Variants in PLEKHA5 observed in about 807,000 individuals in gnomAD.
PLEKHA5 encodes the protein pleckstrin homology domain containing A5, also known as pleckstrin homology domain-containing family A member 5.
In PLEKHA5, 55 loss-of-function variants were observed where a neutral mutation model predicts 181.9. That is an observed-to-expected ratio of 0.30 (90% CI 0.24 to 0.38). The LOEUF is 0.38. Ranked by LOEUF, PLEKHA5 falls within the 10% of genes least tolerant of loss-of-function variation. The probability of loss-of-function intolerance (pLI) is 1.00; values close to 1 mark genes in which losing one functional copy is unlikely to be tolerated. For synonymous variants in PLEKHA5, 535 were observed against 529.4 expected, an observed-to-expected ratio of 1.01 and a Z score of -0.15; for missense variants, 1,432 against 1,549.5, an observed-to-expected ratio of 0.92 and a Z score of 1.27.
At chr12:19,235,966 C>T (rs997855404) in intron 3 of PLEKHA5, among the ~76,000 whole-genome samples, 1 of 152,070 alleles carries the variant, frequency 6.6e-6, no homozygotes, top group Non-Finnish European at 1.5e-5. Context: ...CGTGTTTTGA[C>T]CTATCCATTC....
At chr12:19,362,847 GC>G (rs2095297630) in intron 29 of PLEKHA5, among the ~76,000 whole-genome samples, 1 of 151,892 alleles carries the variant, frequency 6.6e-6, no homozygotes, top group Non-Finnish European at 1.5e-5. Context: ...ATTCATCACT[GC>G]CTATGCAGTC....
In PLEKHA5 at chr12:19,283,722, A is replaced by C. The variant is rs749520247; in HGVS notation, c.1756A>C (p.Arg586=). 6.2e-7 allele frequency: 1 copy of C among 1,613,220 alleles called. No individual in the cohort carries two copies. The highest frequency in any genetic ancestry group is 2.2e-5 in the East Asian group (1 of 44,868). The change falls in exon 12 of 32, where the codon AGA becomes CGA. Residue 586 remains arginine, a synonymous_variant. Coordinates refer to ENST00000429027, the MANE Select transcript of PLEKHA5 (RefSeq NM_001256470.2). The part of the protein sequence containing the change: ...IQRGDVTIDR[R]HRAHHPKHVY... ...GAGAGGAGATGTGACAATAGACCGC[A>C]GACACAGGGCCCATCACCCTAAGGT...
intron 3 of PLEKHA5, among the ~76,000 whole-genome samples, chr12:19,243,917 A>G (rs141424300): frequency 3.2e-4 from 49 of 152,290 alleles, no homozygotes; most frequent in African/African-American, 1.1e-3. Flanking sequence ...TGTAGGCACA[A>G]TTTTCTATGC....
At chr12:19,194,998 T>A (rs1437827237) in intron 3 of PLEKHA5, among the ~76,000 whole-genome samples, 1 of 152,228 alleles carries the variant, frequency 6.6e-6, no homozygotes, top group Non-Finnish European at 1.5e-5. Flanking sequence ...ATTGGGCATT[T>A]ATACTGTACC....
chr12:19,326,083 C>A (rs562792091), intron 20 of PLEKHA5, among the ~76,000 whole-genome samples: 2 of 151,882 alleles, frequency 1.3e-5, no homozygotes, highest in South Asian at 4.2e-4. Flanking sequence ...TTTGAGTATC[C>A]CTTTTTCTGG....
At chr12:19,210,243 C>T (rs546621277) in intron 3 of PLEKHA5, among the ~76,000 whole-genome samples, 1 of 152,248 alleles carries the variant, frequency 6.6e-6, no homozygotes, top group East Asian at 1.9e-4. Context: ...TTTCCACAGA[C>T]GTTTTGAAGT....
chr12:19,314,981 G>C (rs2088030725), intron 16 of PLEKHA5, 87 bp downstream of exon 16: 1 of 732,276 alleles, frequency 1.4e-6, no homozygotes, highest in African/African-American at 1.8e-5. Flanking sequence ...ATTTACTCAT[G>C]ACATCAGTGT....
At chr12:19,237,652 AG>A (rs1437359578) in intron 3 of PLEKHA5, among the ~76,000 whole-genome samples, 2 of 152,050 alleles carry the variant, frequency 1.3e-5, no homozygotes, top group Admixed American at 1.3e-4. Context: ...TAATGGCAGG[AG>A]ATTATATATT....
intron 22 of PLEKHA5, among the ~76,000 whole-genome samples, chr12:19,344,810 T>G (rs2094196017): frequency 6.6e-6 from 1 of 152,106 alleles, no homozygotes; most frequent in South Asian, 2.1e-4. Context: ...AAGACTTCAT[T>G]TAAAATATGT....
chr12:19,353,442 T>A (rs1397913322), intron 25 of PLEKHA5, among the ~76,000 whole-genome samples: 1 of 139,732 alleles, frequency 7.2e-6, no homozygotes, highest in African/African-American at 2.7e-5. Context: ...CAGGCGTGAG[T>A]CACCACGCCC....
chr12:19,365,260 G>C (rs1248268104), intron 29 of PLEKHA5, among the ~76,000 whole-genome samples: 1 of 151,786 alleles, frequency 6.6e-6, no homozygotes, highest in African/African-American at 2.4e-5. Context: ...CCTGCTACTC[G>C]GGAGGCTGAG....
At chr12:19,247,940 A>C (rs1279100554) in intron 3 of PLEKHA5, among the ~76,000 whole-genome samples, 1 of 138,190 alleles carries the variant, frequency 7.2e-6, no homozygotes, top group East Asian at 2.1e-4. Context: ...AAAAAAAGAG[A>C]GAGAGAGAGA....
chr12:19,298,855 T>C (rs1425996696), intron 15 of PLEKHA5, among the ~76,000 whole-genome samples: 2 of 152,200 alleles, frequency 1.3e-5, no homozygotes, highest in East Asian at 1.9e-4. Flanking sequence ...CACTCTTGCT[T>C]TACTATTTGC....
At position 19,354,605 on chromosome 12, in the gene PLEKHA5, C is replaced by A. The variant is rs576123098; in HGVS notation, c.3138+603C>A. 4.7e-5 allele frequency among the ~76,000 whole-genome samples: 7 copies of A among 148,014 alleles called. No individual in the cohort carries two copies. The South Asian group carries it at 1.5e-3, about 32-fold the overall frequency. On this transcript the variant is annotated intron_variant, in intron 26 of 31. Coordinates refer to ENST00000429027, the MANE Select transcript of PLEKHA5 (RefSeq NM_001256470.2). ...ACACCATCCTCCTGCCTCAGCCTCCCAAGTAGCTGGGACTACAGGCGCCCA... is the reference window on the plus strand; with the variant it reads ...ACACCATCCTCCTGCCTCAGCCTCCAAAGTAGCTGGGACTACAGGCGCCCA...
Position 19,130,262 on chromosome 12 carries a change from A to G in PLEKHA5, c.169+132A>G. On this transcript the variant is annotated intron_variant, in intron 2 of 31. Transcript: ENST00000429027. The surrounding 1 kb of genome is among the most constrained non-coding windows in gnomAD (Gnocchi z 4.5). ...CGAGGCGGGGCGGAGGCCGGGCGGG[A>G]GCGGCCGCAGGTAGAGGGGCCACGG... The G allele has an allele frequency of 2.5e-6, 1 of 402,720 alleles. No homozygotes were observed. The highest frequency in any genetic ancestry group is 4.1e-6 in the Non-Finnish European group (1 of 245,698). The allele number at this position is 402,720 out of a possible 1,614,324, so 24.9% of individuals were successfully genotyped here. A position where few individuals can be genotyped will look rare whatever the true frequency, so the allele number is the denominator to read the frequency against.
chr12:19,322,179 TTCTA>T, intron 18 of PLEKHA5, 127 bp from the exon 19 acceptor site: 1 of 620,808 alleles, frequency 1.6e-6, no homozygotes, highest in Non-Finnish European at 2.8e-6. Flanking sequence ...TTTTTAAGGA[TTCTA>T]TCTTTGTAAG....
chr12:19,331,905 C>T (rs2092880415), intron 20 of PLEKHA5, among the ~76,000 whole-genome samples: 1 of 152,060 alleles, frequency 6.6e-6, no homozygotes, highest in South Asian at 2.1e-4. Flanking sequence ...TGCACCTGTA[C>T]TACTCAGGAG....
At chr12:19,359,135 T>C (rs886290130) in intron 27 of PLEKHA5, among the ~76,000 whole-genome samples, 1 of 152,194 alleles carries the variant, frequency 6.6e-6, no homozygotes, top group Non-Finnish European at 1.5e-5. Context: ...TTCCACCGAA[T>C]CAAGTGCAGG....
At chr12:19,291,740 A>G (rs1162968434) in intron 15 of PLEKHA5, 43 bp downstream of exon 15, 1 of 1,032,474 alleles carries the variant, frequency 9.7e-7, no homozygotes, top group Admixed American at 2.4e-5. Flanking sequence ...ACTTAATAGA[A>G]CTTCTTAAAT....
Sources: allele counts gnomAD v4.1 joint callset (sites outside exome capture counted in the v4.1 genomes callset), GRCh38; gene constraint gnomAD v4.1.1; non-coding constraint Gnocchi (gnomAD v3.1); transcripts MANE v1.5; gene names NCBI Gene and HGNC (gene_info 2026-07-23, HGNC 2026-07-21).